The following ITGA1 variants were observed in gnomAD, a reference collection of about 807,000 sequenced individuals.
The protein encoded by ITGA1 is integrin subunit alpha 1.
ITGA1 carries 85 observed loss-of-function variants against 145.9 expected under a neutral mutation model. The ratio of observed to expected loss-of-function variants is 0.58; its 90% CI spans 0.49 to 0.70. The LOEUF is 0.70. Among genes scored for constraint, ITGA1 ranks in the 30% least tolerant of loss-of-function variants. The probability of loss-of-function intolerance (pLI) is 0.00; values close to 1 mark genes in which losing one functional copy is unlikely to be tolerated. For missense variants in ITGA1, 1,351 were observed against 1,418.7 expected, an observed-to-expected ratio of 0.95 and a Z score of 0.77; for synonymous variants, 520 against 495.3, an observed-to-expected ratio of 1.05 and a Z score of -0.66.
chr5:52,865,778 C>A lies in ITGA1; in HGVS notation c.585C>A (p.Asp195Glu). 6.2e-7 allele frequency: 1 copy of A among 1,602,896 alleles called. No homozygotes were observed. Among genetic ancestry groups the A allele is most frequent in the Non-Finnish European group, 8.5e-7 (1 of 1,175,532 alleles). The change falls in exon 6 of 29, where the codon GAC (aspartate) becomes GAA (glutamate). Residue 195 changes from aspartate to glutamate, a missense_variant. Physicochemically the swap from Asp to Glu is conservative, Grantham distance 45. Coordinates refer to ENST00000282588, the MANE Select transcript of ITGA1 (RefSeq NM_181501.2). ...PWDSVTAFLN[D>E]LLERMDIGPK... is the part of the protein sequence containing the mutation. ...ACAGTGTTACAGCTTTTTTAAATGACCTTCTTGAAAGAATGGATATTGGTC... is the reference window on the plus strand; with the variant it reads ...ACAGTGTTACAGCTTTTTTAAATGAACTTCTTGAAAGAATGGATATTGGTC...
At chr5:52,930,228 A>T (rs908647323) in intron 21 of ITGA1, among the ~76,000 whole-genome samples, 1 of 152,180 alleles carries the variant, frequency 6.6e-6, no homozygotes, top group Non-Finnish European at 1.5e-5. Flanking sequence ...TTATCCACTG[A>T]CCTGTCTGCA....
At chr5:52,816,488 T>A (rs558540280) in intron 1 of ITGA1, among the ~76,000 whole-genome samples, 1 of 152,262 alleles carries the variant, frequency 6.6e-6, no homozygotes, top group African/African-American at 2.4e-5. Flanking sequence ...CCAACCCACA[T>A]AAACACACTA....
intron 18 of ITGA1, among the ~76,000 whole-genome samples, chr5:52,923,371 TC>T (rs1750758298): frequency 6.6e-6 from 1 of 151,944 alleles, no homozygotes; most frequent in Non-Finnish European, 1.5e-5. Context: ...GTCCTGAAGC[TC>T]CCAGGCCGTC....
chr5:52,849,118 G>A (rs541989814), intron 1 of ITGA1, among the ~76,000 whole-genome samples: 9 of 152,264 alleles, frequency 5.9e-5, no homozygotes, highest in South Asian at 2.1e-4. Context: ...GGGTCAAATG[G>A]TATTTCTAGT....
intron 1 of ITGA1, among the ~76,000 whole-genome samples, chr5:52,848,537 T>G: frequency 6.6e-6 from 1 of 152,214 alleles, no homozygotes; most frequent in East Asian, 1.9e-4. Flanking sequence ...AATATTTGTG[T>G]TCTTTAAAGT....
At position 52,897,534 on chromosome 5, in the gene ITGA1, T is replaced by A. The variant is rs771281411; in HGVS notation, c.1164+6T>A. The A allele has an allele frequency of 4.4e-6, 7 of 1,608,190 alleles. No individual in the cohort carries two copies. Among genetic ancestry groups the A allele is most frequent in the Non-Finnish European group, 6.0e-6 (7 of 1,175,474 alleles). On this transcript the variant is annotated splice_donor_region_variant and intron_variant, in intron 10 of 28. Transcript: ENST00000282588. ...TCAGTGCTCATTATTCACAGGTATG[T>A]TGACCAGTTGGTGAAAAATGAAATA...
intron 14 of ITGA1, among the ~76,000 whole-genome samples, chr5:52,912,280 A>G (rs1185016534): frequency 6.9e-6 from 1 of 144,614 alleles, no homozygotes; most frequent in East Asian, 2.1e-4. Flanking sequence ...ACTATATACT[A>G]TATATATTAT....
rs1391234626 is a variant in ITGA1 at position 52,849,453 on chromosome 5, T to C, written c.150T>C (p.Thr50=). ...CGGTGGAAGACATGTTTGGATATACTGTTCAACAATATGAAAATGAAGAAG... is the reference window on the plus strand; with the variant it reads ...CGGTGGAAGACATGTTTGGATATACCGTTCAACAATATGAAAATGAAGAAG... The part of the protein sequence containing the change: ...SGPVEDMFGY[T]VQQYENEEGK... The change falls in exon 2 of 29, where the codon ACT becomes ACC. Residue 50 remains threonine, a synonymous_variant. Transcript: ENST00000282588. 2 of 1,608,092 alleles carry C rather than the reference T, an allele frequency of 1.2e-6. No homozygotes were observed. Among genetic ancestry groups the C allele is most frequent in the Middle Eastern group, 2.0e-4 (1 of 4,944 alleles).
intron 1 of ITGA1, among the ~76,000 whole-genome samples, chr5:52,790,588 C>G (rs6887780): frequency 0.078 from 11,904 of 152,162 alleles, 1,536 homozygotes; most frequent in African/African-American, 0.27. Flanking sequence ...TTCAACCGAG[C>G]AGGGTAGAAT....
intron 14 of ITGA1, among the ~76,000 whole-genome samples, chr5:52,911,917 T>A (rs372329035): frequency 1.3e-4 from 13 of 100,956 alleles, no homozygotes; most frequent in East Asian, 1.0e-3. Flanking sequence ...ATATATATAT[T>A]ATATATATAG....
chr5:52,901,807 G>C (rs377449004), intron 11 of ITGA1: 6 of 152,088 alleles, frequency 3.9e-5, no homozygotes, highest in African/African-American at 1.2e-4. Context: ...ACTTCTCTCT[G>C]TCCAAAAAGG....
chr5:52,924,445 C>T (rs961588590), intron 18 of ITGA1, among the ~76,000 whole-genome samples: 6 of 152,262 alleles, frequency 3.9e-5, no homozygotes, highest in East Asian at 3.9e-4. Flanking sequence ...CAACGACATT[C>T]GCTAGTGTGG....
rs10471818 is a variant in ITGA1, at chr5:52,821,500, A to G, written c.62-27865A>G. Among the ~76,000 whole-genome samples, 1,015 of 152,304 alleles carry G rather than the reference A, an allele frequency of 6.7e-3. 11 individuals are homozygous for G. The highest frequency in any genetic ancestry group is 0.023 in the African/African-American group (965 of 41,576). ...TGGAAAAATGATGTCACTATAATAC[A>G]TAAGTCACTATAATTCAGTTTTCCC... is the stretch of plus-strand genomic sequence containing the variant. On this transcript the variant is annotated intron_variant, in intron 1 of 28. Coordinates refer to ENST00000282588, the MANE Select transcript of ITGA1 (RefSeq NM_181501.2).
chr5:52,825,257 A>C (rs1018045661), intron 1 of ITGA1: 1 of 152,162 alleles, frequency 6.6e-6, no homozygotes, highest in African/African-American at 2.4e-5. Flanking sequence ...TTCAAGATTC[A>C]TTCATGTCAT....
Position 52,915,349 on chromosome 5 carries a change from T to C in ITGA1, c.1858-115T>C, listed in dbSNP as rs918024708. ...CCACATGAGGGACCTCTTGGGCGGA[T>C]TCCCAAATTAACAAAACTGATTATT... is the stretch of plus-strand genomic sequence containing the variant. On this transcript the variant is annotated intron_variant, in intron 14 of 28. Coordinates refer to ENST00000282588, the MANE Select transcript of ITGA1 (RefSeq NM_181501.2). 26 of 1,140,674 alleles carry C rather than the reference T, an allele frequency of 2.3e-5. No individual in the cohort carries two copies. The South Asian group carries it at 3.7e-4, about 16-fold the overall frequency. 70.7% of individuals were successfully genotyped at this position (1,140,674 alleles called of 1,614,324 possible).
chr5:52,806,761 G>A, intron 1 of ITGA1, among the ~76,000 whole-genome samples: 1 of 152,020 alleles, frequency 6.6e-6, no homozygotes, highest in East Asian at 1.9e-4. Context: ...AAATAACACT[G>A]ATTAATAAAT....
intron 1 of ITGA1, among the ~76,000 whole-genome samples, chr5:52,838,737 T>C (rs1453666198): frequency 2.0e-5 from 3 of 152,182 alleles, no homozygotes; most frequent in Non-Finnish European, 4.4e-5. Context: ...AGTCTAGGCA[T>C]GCTTCATTTT....
chr5:52,805,103 T>C (rs771475473), intron 1 of ITGA1, among the ~76,000 whole-genome samples: 3 of 152,116 alleles, frequency 2.0e-5, no homozygotes, highest in Non-Finnish European at 4.4e-5. Flanking sequence ...AAGGGGTGAC[T>C]TTTAGGAGAA....
intron 1 of ITGA1, among the ~76,000 whole-genome samples, chr5:52,840,932 T>C (rs539778555): frequency 2.6e-5 from 4 of 152,302 alleles, no homozygotes; most frequent in East Asian, 3.9e-4. Context: ...GACACAGATA[T>C]ACACATATAC....
Sources: allele counts gnomAD v4.1 joint callset (sites outside exome capture counted in the v4.1 genomes callset), GRCh38; gene constraint gnomAD v4.1.1; transcripts MANE v1.5; gene names NCBI Gene and HGNC (gene_info 2026-07-23, HGNC 2026-07-21).